MBTPS1: variants seen among roughly 807,000 people sequenced by gnomAD.
MBTPS1 encodes membrane-bound transcription factor site-1 protease.
MBTPS1 carries 94 observed loss-of-function variants against 127.8 expected under a neutral mutation model. That is an observed-to-expected ratio of 0.74 (90% CI 0.62 to 0.87). The LOEUF is 0.87. Among genes scored for constraint, MBTPS1 ranks in the 40% least tolerant of loss-of-function variants. The probability of loss-of-function intolerance (pLI) is 0.00; values close to 1 mark genes in which losing one functional copy is unlikely to be tolerated. For synonymous variants in MBTPS1, 632 were observed against 509.4 expected (o/e 1.24, Z -3.24); for missense variants, 1,636 against 1,353.2 (o/e 1.21, Z -3.28).
Position 84,091,788 on chromosome 16 carries a change from C to G in MBTPS1, c.907G>C (p.Val303Leu), listed in dbSNP as rs778412911. ...GGGCCGCCGATGCTGAGGTTTAACACGTCGATCTTCTTTAAAATGGCATAG... is the reference window on the plus strand; with the variant it reads ...GGGCCGCCGATGCTGAGGTTTAACAGGTCGATCTTCTTTAAAATGGCATAG... ...FNYAILKKID[V>L]LNLSIGGPDF... Residue 303 changes from valine (V) to leucine (L), a missense_variant, in exon 7 of 23, where the codon GTG (valine) becomes CTG (leucine). By Grantham distance (32) the Val-to-Leu change is conservative. Coordinates refer to ENST00000343411, the MANE Select transcript of MBTPS1 (RefSeq NM_003791.4). The G allele has an allele frequency of 3.1e-6, 5 of 1,614,138 alleles. 1 individual carries two copies. In the Admixed American group the frequency reaches 8.3e-5, roughly 27 times the overall value.
Position 84,068,382 on chromosome 16 carries a change from C to T in MBTPS1, c.2028G>A (p.Glu676=), listed in dbSNP as rs1343187115. Residue 676 remains glutamate (E), a synonymous_variant, in exon 15 of 23, where the codon GAG becomes GAA. Coordinates refer to ENST00000343411, the MANE Select transcript of MBTPS1 (RefSeq NM_003791.4). Reference sequence around the variant, plus strand: ...AACACGTGAAGGGGGCCCCGAGGACCTCTACAAAGTAGCCCATGCTTCTCA... The same window carrying T: ...AACACGTGAAGGGGGCCCCGAGGACTTCTACAAAGTAGCCCATGCTTCTCA... ...QHLRSMGYFV[E]VLGAPFTCFD... 1 of 1,614,238 alleles carries T rather than the reference C, an allele frequency of 6.2e-7. No individual in the cohort carries two copies. The highest frequency in any genetic ancestry group is 8.5e-7 in the Non-Finnish European group (1 of 1,180,036).
At chr16:84,084,179 G>A (rs1344602836) in intron 10 of MBTPS1, among the ~76,000 whole-genome samples, 1 of 152,094 alleles carries the variant, frequency 6.6e-6, no homozygotes, top group Non-Finnish European at 1.5e-5. Flanking sequence ...GGCTGGTCTT[G>A]AACTCCTGAC....
At chr16:84,109,459 G>A (rs971681741) in intron 1 of MBTPS1, 1 of 152,180 alleles carries the variant, frequency 6.6e-6, no homozygotes, top group Admixed American at 6.5e-5. Context: ...ATTTTACAGT[G>A]GAGAAGCTCC....
intron 1 of MBTPS1, among the ~76,000 whole-genome samples, chr16:84,103,055 A>G (rs907602796): frequency 6.6e-6 from 1 of 152,160 alleles, no homozygotes; most frequent in Non-Finnish European, 1.5e-5. Context: ...GATATCTTCC[A>G]AAACATCTGA....
chr16:84,081,804 C>T lies in MBTPS1; in HGVS notation c.1391G>A (p.Gly464Asp). 2 of 1,531,410 alleles carry T rather than the reference C, an allele frequency of 1.3e-6. No homozygotes were observed. The highest frequency in any genetic ancestry group is 1.8e-6 in the Non-Finnish European group (2 of 1,138,098). The allele number at this position is 1,531,410 out of a possible 1,614,324, so 94.9% of individuals were successfully genotyped here. A position where few individuals can be genotyped will look rare whatever the true frequency, so the allele number is the denominator to read the frequency against. Residue 464 changes from glycine (G) to aspartate (D), a missense_variant, in exon 11 of 23, where the codon GGC becomes GAC. Coordinates refer to ENST00000343411, the MANE Select transcript of MBTPS1 (RefSeq NM_003791.4). Reference protein sequence around the residue: ...PGVNMFEQGHGKLDLLRAYQI... With the variant: ...PGVNMFEQGHDKLDLLRAYQI... ...ATAGGCTCTGAGCAGATCGAGCTTG[C>T]CGTGGCCTTGCTCAAACATGTTGAC...
At chr16:84,077,404 C>G (rs1463776331) in intron 11 of MBTPS1, among the ~76,000 whole-genome samples, 1 of 152,028 alleles carries the variant, frequency 6.6e-6, no homozygotes, top group Non-Finnish European at 1.5e-5. Context: ...ACAGACAGAC[C>G]AGTGGAACAG....
At chr16:84,092,985 T>C (rs932252427) in intron 6 of MBTPS1, among the ~76,000 whole-genome samples, 1 of 152,150 alleles carries the variant, frequency 6.6e-6, no homozygotes, top group Non-Finnish European at 1.5e-5. Flanking sequence ...GGGTTCAACT[T>C]AGGTCGACAC....
chr16:84,058,288 C>G (rs2085550041), intron 21 of MBTPS1, among the ~76,000 whole-genome samples: 1 of 152,254 alleles, frequency 6.6e-6, no homozygotes, highest in South Asian at 2.1e-4. Context: ...GCCTCGCCAC[C>G]TTCACACGGG....
At chr16:84,107,064 G>T (rs2086333705) in intron 1 of MBTPS1, among the ~76,000 whole-genome samples, 1 of 152,162 alleles carries the variant, frequency 6.6e-6, no homozygotes, top group South Asian at 2.1e-4. Flanking sequence ...AGGGTCAAGG[G>T]CACGGCTTAG....
chr16:84,099,442 A>C, intron 2 of MBTPS1, 132 bp from the exon 3 acceptor site: 1 of 905,018 alleles, frequency 1.1e-6, no homozygotes, highest in Non-Finnish European at 1.6e-6. Context: ...AGAAAACACA[A>C]AGACTAGTTT....
At chr16:84,093,563 G>A in intron 5 of MBTPS1, 148 bp downstream of exon 5, 1 of 677,006 alleles carries the variant, frequency 1.5e-6, no homozygotes, top group South Asian at 1.8e-5. Flanking sequence ...GACATCCTAT[G>A]AGGTATTCAG....
At chr16:84,097,870 GTT>G (rs1491505344) in intron 3 of MBTPS1, among the ~76,000 whole-genome samples, 9 of 150,164 alleles carry the variant, frequency 6.0e-5, no homozygotes, top group East Asian at 2.0e-4. Context: ...GTGTGTGTGT[GTT>G]TGTGTGTGTG....
intron 6 of MBTPS1, among the ~76,000 whole-genome samples, chr16:84,092,060 A>C (rs1322407649): frequency 6.6e-6 from 1 of 152,224 alleles, no homozygotes; most frequent in African/African-American, 2.4e-5. Flanking sequence ...AACCTAAGGA[A>C]GAGGCAGCTG....
chr16:84,077,494 A>G (rs2085877806), intron 11 of MBTPS1, among the ~76,000 whole-genome samples: 1 of 152,194 alleles, frequency 6.6e-6, no homozygotes, highest in South Asian at 2.1e-4. Context: ...CACTGGGGCA[A>G]AGATGGACTT....
intron 1 of MBTPS1, among the ~76,000 whole-genome samples, chr16:84,104,052 G>C (rs1173783135): frequency 1.3e-5 from 2 of 152,152 alleles, no homozygotes; most frequent in South Asian, 2.1e-4. Context: ...CTTTATGCTT[G>C]ATACATCCAG....
At position 84,095,698 on chromosome 16, in the gene MBTPS1, T is replaced by C. The variant is rs2086169494; in HGVS notation, c.529A>G (p.Thr177Ala). ...LSLGSGFWHA[T>A]GRHSSRRLLR... ...AGCCGTCTGCTCGAATGCCTTCCCGTAGCATGCCAGAAGCCAGAGCCCAGG... is the reference window on the plus strand; with the variant it reads ...AGCCGTCTGCTCGAATGCCTTCCCGCAGCATGCCAGAAGCCAGAGCCCAGG... Residue 177 changes from threonine to alanine, a missense_variant, in exon 4 of 23, where the codon ACG becomes GCG. Physicochemically the swap from Thr to Ala is moderately conservative, Grantham distance 58 (BLOSUM62 0). Transcript: ENST00000343411. 1.2e-6 allele frequency: 2 copies of C among 1,614,074 alleles called. No individual in the cohort carries two copies. Among genetic ancestry groups the C allele is most frequent in the African/African-American group, 2.7e-5 (2 of 74,914 alleles).
At chr16:84,086,396 G>C (rs1218344003) in intron 9 of MBTPS1, 2 of 152,534 alleles carry the variant, frequency 1.3e-5, no homozygotes, top group Non-Finnish European at 2.9e-5. Context: ...AACATGCTGA[G>C]GGAGCGTGGA....
chr16:84,087,063 T>A (rs1489812062), intron 9 of MBTPS1, among the ~76,000 whole-genome samples: 1 of 151,952 alleles, frequency 6.6e-6, no homozygotes. Context: ...CCAATTCACC[T>A]AAAGGTGAGT....
intron 18 of MBTPS1, among the ~76,000 whole-genome samples, chr16:84,064,244 C>T (rs1022075547): frequency 5.3e-5 from 8 of 151,644 alleles, no homozygotes; most frequent in Admixed American, 3.3e-4. Context: ...GCTCTATAAA[C>T]GTGACATTCC....
Sources: gnomAD v4.1 joint callset for allele counts (sites outside exome capture counted in the v4.1 genomes callset) on GRCh38, gnomAD v4.1.1 for gene constraint, MANE v1.5 for transcripts, NCBI Gene and HGNC (gene_info 2026-07-23, HGNC 2026-07-21) for gene names.